The following PEX1 variants were observed in gnomAD, a reference collection of about 807,000 sequenced individuals.
PEX1 encodes the protein peroxisomal biogenesis factor 1.
PEX1 carries 97 observed loss-of-function variants against 152.5 expected under a neutral mutation model. The ratio of observed to expected loss-of-function variants is 0.64; its 90% confidence interval spans 0.54 to 0.75. The LOEUF (loss-of-function observed/expected upper bound fraction) is 0.75, where lower values mean the gene tolerates loss of function less well. PEX1 is among the 30% of genes least tolerant of loss of function. The pLI, the probability that PEX1 is intolerant of heterozygous loss-of-function variation, is 0.00. For missense variants in PEX1, 1,357 were observed against 1,516.3 expected, an observed-to-expected ratio of 0.89 and a Z score of 1.74; for synonymous variants, 485 against 531.6, an observed-to-expected ratio of 0.91 and a Z score of 1.21.
At chr7:92,522,374 T>C in intron 1 of PEX1, 129 bp from the exon 2 acceptor site, 1 of 882,528 alleles carries the variant, frequency 1.1e-6, no homozygotes, top group South Asian at 1.6e-5. Flanking sequence ...GTTATCTACA[T>C]TTGTTGTAGC....
At chr7:92,522,528 T>C (rs753050427) in intron 1 of PEX1, among the ~76,000 whole-genome samples, 21 of 152,178 alleles carry the variant, frequency 1.4e-4, no homozygotes, top group Admixed American at 2.6e-4. Flanking sequence ...TAAACTTAAA[T>C]AGCAGTTGAG....
intron 4 of PEX1, 32 bp from the exon 5 acceptor site, chr7:92,518,074 T>G (rs779456965): frequency 3.9e-5 from 63 of 1,613,114 alleles, no homozygotes; most frequent in Non-Finnish European, 5.2e-5. Flanking sequence ...TTAGTGCACA[T>G]TCATTTCTAC....
intron 4 of PEX1, 27 bp downstream of exon 4, chr7:92,518,114 G>A (rs1792886162): frequency 6.2e-7 from 1 of 1,602,422 alleles, no homozygotes. Flanking sequence ...TGTAGAATAT[G>A]ACAGCAAATA....
chr7:92,517,554 A>G lies in PEX1; in HGVS notation c.961T>C (p.Tyr321His). Residue 321 changes from tyrosine (Y) to histidine (H), a missense_variant, in exon 5 of 24, where the codon TAT becomes CAT. By Grantham distance (83) the Tyr-to-His change is moderately conservative. Coordinates refer to ENST00000248633, the MANE Select transcript of PEX1 (RefSeq NM_000466.3). ...GTAAAGCTGGGCTCTACATCAAAAT[A>G]TTCCTGGTCCCATGGAAATACATGA... ...AIHVFPWDQE[Y>H]FDVEPSFTVT... The G allele has an allele frequency of 6.2e-7, 1 of 1,614,114 alleles. No individual in the cohort carries two copies. Among genetic ancestry groups the G allele is most frequent in the Non-Finnish European group, 8.5e-7 (1 of 1,180,014 alleles).
Position 92,511,465 on chromosome 7 carries a change from C to G in PEX1, c.1483+115G>C, listed in dbSNP as rs559665466. The G allele has an allele frequency of 1.5e-5, 13 of 850,996 alleles. No homozygotes were observed. The East Asian group carries it at 3.5e-4, about 23-fold the overall frequency. 52.7% of individuals were successfully genotyped at this position (850,996 alleles called of 1,614,324 possible). ...TACATAAAAACTACTGTTTAATTAT[C>G]ATAATTATATTTCACTATTCACATA... On this transcript the variant is annotated intron_variant, in intron 7 of 23. Coordinates refer to ENST00000248633, the MANE Select transcript of PEX1 (RefSeq NM_000466.3).
chr7:92,491,474 A>G lies in PEX1; in HGVS notation c.3236T>C (p.Leu1079Pro). ...QDGSSSSDSD[L>P]SLSSMVFLNH... The stretch of plus-strand genomic sequence containing the variant: ...AAGAAAGACCATTGAAGACAGACTT[A>G]GGTCACTATCAGAGCTGGAACTTCC... The change falls in exon 21 of 24, where the codon CTA (leucine) becomes CCA (proline). Residue 1079 changes from leucine to proline, a missense_variant. Physicochemically the swap from Leu to Pro is moderately conservative, Grantham distance 98 (BLOSUM62 -3). Transcript: ENST00000248633. 1.2e-6 allele frequency: 2 copies of G among 1,612,428 alleles called. No homozygotes were observed.
At position 92,504,849 on chromosome 7, in the gene PEX1, C is replaced by G; in HGVS notation, c.1954G>C (p.Val652Leu). ...AGGACAACAGATGGCTGCATCCACA[C>G]TGCCTCTGAGAAAGCCACCTCTAGG... ...KTLEVAFSEA[V>L]WMQPSVVLLD... The change falls in exon 12 of 24, where the codon GTG becomes CTG. Residue 652 changes from valine to leucine, a missense_variant. Transcript: ENST00000248633. The G allele has an allele frequency of 6.2e-7, 1 of 1,614,000 alleles. No homozygotes were observed. The highest frequency in any genetic ancestry group is 1.7e-5 in the Admixed American group (1 of 60,014).
chr7:92,502,990 AATTTCTAT>A, intron 13 of PEX1, 43 bp downstream of exon 13: 7 of 1,486,638 alleles, frequency 4.7e-6, no homozygotes, highest in Non-Finnish European at 6.6e-6. Context: ...ATTGAAAAAT[AATTTCTAT>A]AAAAGGGACA....
chr7:92,518,966 T>C, intron 3 of PEX1, 29 bp downstream of exon 3: 1 of 1,435,494 alleles, frequency 7.0e-7, no homozygotes, highest in Non-Finnish European at 9.8e-7. Flanking sequence ...TAACCTTAAA[T>C]GAGATAGTTC....
chr7:92,512,558 C>A (rs931347409), intron 6 of PEX1, among the ~76,000 whole-genome samples: 2 of 152,142 alleles, frequency 1.3e-5, no homozygotes, highest in East Asian at 3.9e-4. Flanking sequence ...GTGGTGAGAT[C>A]TAGGCTCACT....
At chr7:92,491,551 T>G in intron 20 of PEX1, 49 bp from the exon 21 acceptor site, 1 of 1,123,430 alleles carries the variant, frequency 8.9e-7, no homozygotes, top group Non-Finnish European at 1.4e-6. Flanking sequence ...ACAATTTTAG[T>G]CTCAGAAATA....
chr7:92,516,799 A>G (rs936134391), intron 5 of PEX1, among the ~76,000 whole-genome samples: 1 of 152,156 alleles, frequency 6.6e-6, no homozygotes, highest in African/African-American at 2.4e-5. Context: ...ATGCATTCCA[A>G]TCCAGGTGCC....
At chr7:92,513,482 A>G (rs2116218923) in intron 6 of PEX1, among the ~76,000 whole-genome samples, 1 of 152,230 alleles carries the variant, frequency 6.6e-6, no homozygotes, top group African/African-American at 2.4e-5. Flanking sequence ...CTACTTATAT[A>G]TGAAATATCT....
At chr7:92,494,724 TTA>T (rs1336045409) in intron 17 of PEX1, 95 bp from the exon 18 acceptor site, 2 of 767,064 alleles carry the variant, frequency 2.6e-6, no homozygotes, top group African/African-American at 3.7e-5. Context: ...TTTTATGTAT[TTA>T]TATATATTTA....
At position 92,504,816 on chromosome 7, in the gene PEX1, C is replaced by T. The variant is rs780226375; in HGVS notation, c.1987G>A (p.Asp663Asn). Reference sequence around the variant, plus strand: ...GGCAGTCCAGCAATGAGGTCAAGGTCATCCAGCAGGACAACAGATGGCTGC... The same window carrying T: ...GGCAGTCCAGCAATGAGGTCAAGGTTATCCAGCAGGACAACAGATGGCTGC... ...WMQPSVVLLD[D>N]LDLIAGLPAV... Residue 663 changes from aspartate (D) to asparagine (N), a missense_variant, in exon 12 of 24, where the codon GAC (aspartate) becomes AAC (asparagine). Transcript: ENST00000248633. 4 of 1,613,956 alleles carry T rather than the reference C, an allele frequency of 2.5e-6. No individual in the cohort carries two copies. Among genetic ancestry groups the T allele is most frequent in the African/African-American group, 2.7e-5 (2 of 74,920 alleles).
At chr7:92,524,820 C>T (rs948731858) in intron 1 of PEX1, among the ~76,000 whole-genome samples, 5 of 152,096 alleles carry the variant, frequency 3.3e-5, no homozygotes, top group Non-Finnish European at 5.9e-5. Flanking sequence ...CAGCTGTAAC[C>T]GTGTGAGCTA....
chr7:92,511,814 C>A, intron 6 of PEX1, 111 bp from the exon 7 acceptor site: 1 of 968,078 alleles, frequency 1.0e-6, no homozygotes, highest in Non-Finnish European at 1.6e-6. Context: ...CCAAACAAAT[C>A]CAATGAAGGA....
In PEX1 at chr7:92,489,841, A is replaced by C; in HGVS notation, c.3509T>G (p.Leu1170Trp). 1 of 1,614,098 alleles carries C rather than the reference A, an allele frequency of 6.2e-7. No homozygotes were observed. The highest frequency in any genetic ancestry group is 8.5e-7 in the Non-Finnish European group (1 of 1,179,978). ...DLPGVPGKDQ[L>W]FSQPPVLRTA... ...CCTTAACACTGGAGGCTGTGAAAAC[A>C]ACTGGTCTTTCCCAGGAACTCCAGG... The change falls in exon 22 of 24, where the codon TTG becomes TGG. Residue 1170 changes from leucine (L) to tryptophan (W), a missense_variant. Transcript: ENST00000248633.
At chr7:92,502,528 C>T (rs1585232685) in intron 13 of PEX1, among the ~76,000 whole-genome samples, 1 of 151,988 alleles carries the variant, frequency 6.6e-6, no homozygotes, top group Non-Finnish European at 1.5e-5. Flanking sequence ...ATCTCAAATA[C>T]CATTCTATTA....
Sources: gnomAD v4.1 joint callset for allele counts (sites outside exome capture counted in the v4.1 genomes callset) on GRCh38, gnomAD v4.1.1 for gene constraint, MANE v1.5 for transcripts, NCBI Gene and HGNC (gene_info 2026-07-23, HGNC 2026-07-21) for gene names.